GLCCI1: variants seen among roughly 807,000 people sequenced by gnomAD.
The protein encoded by GLCCI1 is glucocorticoid-induced transcript 1 protein.
A neutral mutation model predicts 52.2 loss-of-function variants in GLCCI1; 24 were observed. The observed-to-expected ratio is 0.46, with a 90% CI of 0.33 to 0.65. GLCCI1 has a LOEUF of 0.65. Ranked by LOEUF, GLCCI1 falls within the 30% of genes least tolerant of loss-of-function variation. The pLI, the probability that GLCCI1 is intolerant of heterozygous loss-of-function variation, is 0.02. For missense variants in GLCCI1, 704 were observed against 701.5 expected, an observed-to-expected ratio of 1.00 and a Z score of -0.04; for synonymous variants, 310 against 276.5, an observed-to-expected ratio of 1.12 and a Z score of -1.20.
intron 4 of GLCCI1, among the ~76,000 whole-genome samples, chr7:8,057,010 AATGAT>A (rs986399099): frequency 7.9e-5 from 12 of 152,356 alleles, no homozygotes; most frequent in Middle Eastern, 3.4e-3. Context: ...TATTAAAACT[AATGAT>A]AGGATAGCTA....
Position 8,086,672 on chromosome 7 carries a change from C to A in GLCCI1, c.*134C>A. ...TCAGCATCATAAAGTATCTCTTAAA[C>A]ACTGATCTTGGCAGGGACGGAACTC... is the stretch of plus-strand genomic sequence containing the variant. On this transcript the variant is annotated 3_prime_UTR_variant, in exon 8 of 8. Transcript: ENST00000223145. This position sits in a 1 kb window ranked among gnomAD's most constrained non-coding sequence, Gnocchi z 4.4. 1.3e-6 allele frequency: 1 copy of A among 752,976 alleles called. No individual in the cohort carries two copies. Among genetic ancestry groups the A allele is most frequent in the Non-Finnish European group, 2.1e-6 (1 of 471,592 alleles). The allele number at this position is 752,976 out of a possible 1,614,324, so 46.6% of individuals were successfully genotyped here.
chr7:7,971,194 C>A (rs1780347394), intron 1 of GLCCI1, among the ~76,000 whole-genome samples: 1 of 152,124 alleles, frequency 6.6e-6, no homozygotes, highest in African/African-American at 2.4e-5. Context: ...GCACTCCTCC[C>A]CCAGGTCAAG....
chr7:8,077,736 G>C (rs767607487), intron 6 of GLCCI1, among the ~76,000 whole-genome samples: 6 of 152,168 alleles, frequency 3.9e-5, no homozygotes, highest in Admixed American at 6.5e-5. Context: ...AAGTAACCTA[G>C]CTAATTTCCA....
chr7:7,993,301 C>T (rs558811255), intron 1 of GLCCI1, among the ~76,000 whole-genome samples: 9 of 152,252 alleles, frequency 5.9e-5, no homozygotes, highest in African/African-American at 1.4e-4. Flanking sequence ...AAAAAATTCT[C>T]GATTCTGCTC....
At chr7:7,994,263 A>G (rs1780898146) in intron 1 of GLCCI1, among the ~76,000 whole-genome samples, 1 of 152,162 alleles carries the variant, frequency 6.6e-6, no homozygotes, top group African/African-American at 2.4e-5. Context: ...CAAATAAATA[A>G]ATAAAGTAGC....
Position 8,086,194 on chromosome 7 carries a change from T to A in GLCCI1, c.1300T>A (p.Ser434Thr). 6.2e-7 allele frequency: 1 copy of A among 1,603,922 alleles called. No individual in the cohort carries two copies. The highest frequency in any genetic ancestry group is 8.5e-7 in the Non-Finnish European group (1 of 1,176,698). Residue 434 changes from serine to threonine, a missense_variant and splice_region_variant, in exon 8 of 8, where the codon TCT becomes ACT. Physicochemically the swap from Ser to Thr is moderately conservative, Grantham distance 58. This residue lies in a region of GLCCI1 where 149 missense variants were observed against 152.9 expected (regional missense o/e 0.97). Coordinates refer to ENST00000223145, the MANE Select transcript of GLCCI1 (RefSeq NM_138426.4). The surrounding 1 kb of genome is among the most constrained non-coding windows in gnomAD (Gnocchi z 4.4). ...TCTAATTTTGTTTTATGGTTTTAGGTCTCGTCAGCCTATCTCGGCCCCTCT... is the reference window on the plus strand; with the variant it reads ...TCTAATTTTGTTTTATGGTTTTAGGACTCGTCAGCCTATCTCGGCCCCTCT... Reference protein sequence around the residue: ...ERVKVFEEMASRQPISAPLFS... With the variant: ...ERVKVFEEMATRQPISAPLFS...
chr7:8,059,850 C>G (rs1448417684), intron 4 of GLCCI1, among the ~76,000 whole-genome samples: 1 of 152,064 alleles, frequency 6.6e-6, no homozygotes, highest in African/African-American at 2.4e-5. Context: ...CAAGTATATA[C>G]ATTATACAGG....
chr7:8,034,394 T>TA (rs1359038192), intron 3 of GLCCI1, among the ~76,000 whole-genome samples: 6 of 152,224 alleles, frequency 3.9e-5, no homozygotes, highest in African/African-American at 1.4e-4. Context: ...AATTAACACT[T>TA]ATACTTCAAA....
Position 8,086,554 on chromosome 7 carries a change from C to T in GLCCI1, c.*16C>T, listed in dbSNP as rs769822474. ...GATCATCTAAAAAAGGGGGAGCTGG[C>T]CTCCACCCTATGTTCCATGGATTCG... is the stretch of plus-strand genomic sequence containing the variant. On this transcript the variant is annotated 3_prime_UTR_variant, in exon 8 of 8. Coordinates refer to ENST00000223145, the MANE Select transcript of GLCCI1 (RefSeq NM_138426.4). The surrounding 1 kb of genome is among the most constrained non-coding windows in gnomAD (Gnocchi z 4.4). 4.5e-6 allele frequency: 7 copies of T among 1,555,992 alleles called. No homozygotes were observed. In the South Asian group the frequency reaches 7.3e-5, roughly 16 times the overall value.
intron 3 of GLCCI1, among the ~76,000 whole-genome samples, chr7:8,051,286 A>G (rs767071293): frequency 6.6e-6 from 1 of 152,170 alleles, no homozygotes; most frequent in Non-Finnish European, 1.5e-5. Context: ...GAGGTCTTCT[A>G]TTTTCCGGTA....
intron 3 of GLCCI1, among the ~76,000 whole-genome samples, chr7:8,032,949 C>G (rs960827893): frequency 2.0e-5 from 3 of 151,430 alleles, no homozygotes; most frequent in African/African-American, 4.8e-5. Flanking sequence ...AAAGACATCT[C>G]AAGAAAATAA....
Position 8,086,727 on chromosome 7 carries a change from A to G in GLCCI1, c.*189A>G. On this transcript the variant is annotated 3_prime_UTR_variant, in exon 8 of 8. Coordinates refer to ENST00000223145, the MANE Select transcript of GLCCI1 (RefSeq NM_138426.4). The surrounding 1 kb of genome is among the most constrained non-coding windows in gnomAD (Gnocchi z 4.4). Reference sequence around the variant, plus strand: ...TCAGCAGTTTTTGTGGAAAGCAGTAATGCTTGCAAAACGTGTGTGTCATTC... The same window carrying G: ...TCAGCAGTTTTTGTGGAAAGCAGTAGTGCTTGCAAAACGTGTGTGTCATTC... The G allele has an allele frequency of 1.7e-6, 1 of 576,924 alleles. No individual in the cohort carries two copies. The highest frequency in any genetic ancestry group is 2.4e-5 in the South Asian group (1 of 42,204). The allele number at this position is 576,924 out of a possible 1,614,324, so 35.7% of individuals were successfully genotyped here.
In GLCCI1 at chr7:7,985,263, A is replaced by G. The variant is rs969530690; in HGVS notation, c.457+15456A>G. Among the ~76,000 whole-genome samples the G allele has an allele frequency of 3.9e-5, 6 of 152,022 alleles. No homozygotes were observed. The South Asian group carries it at 1.2e-3, about 32-fold the overall frequency. ...GAGAGGGAGGGAAGGAAGGAGGGAG[A>G]GAGAGAGGGAGAAAGAGAAAGAGAG... On this transcript the variant is annotated intron_variant, in intron 1 of 7. Transcript: ENST00000223145.
chr7:8,018,395 T>C (rs1781419491), intron 2 of GLCCI1, among the ~76,000 whole-genome samples: 1 of 152,212 alleles, frequency 6.6e-6, no homozygotes, highest in Admixed American at 6.5e-5. Context: ...ATTGGCCCTT[T>C]CTAGTTAGTG....
intron 2 of GLCCI1, among the ~76,000 whole-genome samples, chr7:8,018,503 T>C (rs962338113): frequency 1.3e-5 from 2 of 152,222 alleles, no homozygotes; most frequent in Non-Finnish European, 2.9e-5. Flanking sequence ...GAAGCCTCTT[T>C]AGTCCTGTGC....
At chr7:7,992,412 C>G (rs1053074791) in intron 1 of GLCCI1, among the ~76,000 whole-genome samples, 1 of 151,920 alleles carries the variant, frequency 6.6e-6, no homozygotes, top group Non-Finnish European at 1.5e-5. Context: ...GAAGAGCATT[C>G]TCTAATAGAT....
intron 1 of GLCCI1, among the ~76,000 whole-genome samples, chr7:7,999,684 C>T (rs928486657): frequency 5.3e-5 from 8 of 149,696 alleles, no homozygotes; most frequent in South Asian, 2.2e-4. Context: ...GTGGGAGGAT[C>T]GCTTGAGCCC....
At chr7:8,075,405 C>CA (rs1450430506) in intron 6 of GLCCI1, among the ~76,000 whole-genome samples, 1 of 152,184 alleles carries the variant, frequency 6.6e-6, no homozygotes, top group Non-Finnish European at 1.5e-5. Context: ...GTGGAGAATT[C>CA]AGAGATCCAG....
intron 2 of GLCCI1, among the ~76,000 whole-genome samples, chr7:8,005,259 A>T (rs1291928969): frequency 1.3e-5 from 2 of 152,112 alleles, no homozygotes; most frequent in African/African-American, 2.4e-5. Flanking sequence ...AAATTTAAAA[A>T]TAATTTTAAA....
Sources: gnomAD v4.1 joint callset for allele counts (sites outside exome capture counted in the v4.1 genomes callset) on GRCh38, gnomAD v4.1.1 for gene constraint, gnomAD v4.1.1 regional missense constraint, Gnocchi (gnomAD v3.1) non-coding constraint, MANE v1.5 for transcripts, NCBI Gene and HGNC (gene_info 2026-07-23, HGNC 2026-07-21) for gene names.